RAPGEF1: variants seen among roughly 807,000 people sequenced by gnomAD.
RAPGEF1 encodes the protein Rap guanine nucleotide exchange factor 1.
A neutral mutation model predicts 143.3 loss-of-function variants in RAPGEF1; 33 were observed. The observed-to-expected ratio is 0.23, with a 90% CI of 0.17 to 0.31. The LOEUF is 0.31. Among genes scored for constraint, RAPGEF1 ranks in the 10% least tolerant of loss-of-function variants. RAPGEF1 has a pLI of 1.00. For synonymous variants in RAPGEF1, 629 were observed against 676.5 expected (o/e 0.93, Z 1.09); for missense variants, 1,199 against 1,645.4 (o/e 0.73, Z 4.69).
At chr9:131,603,757 G>A (rs1020412670) in intron 14 of RAPGEF1, among the ~76,000 whole-genome samples, 3 of 152,198 alleles carry the variant, frequency 2.0e-5, no homozygotes, top group Non-Finnish European at 4.4e-5. Context: ...TGAAGCAGGA[G>A]CAAAGGGCAG....
At chr9:131,582,460 C>T (rs1952018948) in intron 25 of RAPGEF1, 145 bp downstream of exon 25, 1 of 519,904 alleles carries the variant, frequency 1.9e-6, no homozygotes, top group Non-Finnish European at 3.3e-6. Flanking sequence ...AACTGTATTA[C>T]AAGAACCTTA....
chr9:131,590,012 C>G, intron 18 of RAPGEF1, 34 bp from the exon 19 acceptor site: 2 of 1,583,046 alleles, frequency 1.3e-6, no homozygotes, highest in Non-Finnish European at 1.7e-6. Flanking sequence ...GCCATGTGGT[C>G]GGCTGAGGGT....
chr9:131,614,972 G>C (rs934179007), intron 12 of RAPGEF1, among the ~76,000 whole-genome samples: 2 of 152,184 alleles, frequency 1.3e-5, no homozygotes, highest in Non-Finnish European at 2.9e-5. Context: ...TATTTCAACA[G>C]ATTTCTAGCA....
chr9:131,657,132 T>A (rs1972685367), intron 1 of RAPGEF1, among the ~76,000 whole-genome samples: 1 of 152,232 alleles, frequency 6.6e-6, no homozygotes, highest in East Asian at 1.9e-4. Context: ...CTTTGAGTGC[T>A]GAGGAGGTAC....
Position 131,650,659 on chromosome 9 carries a change from T to C in RAPGEF1, c.201+151A>G. The C allele has an allele frequency of 8.2e-7, 1 of 1,214,466 alleles. No homozygotes were observed. Among genetic ancestry groups the C allele is most frequent in the Middle Eastern group, 3.0e-4 (1 of 3,374 alleles). The allele number at this position is 1,214,466 out of a possible 1,614,324, so 75.2% of individuals were successfully genotyped here. On this transcript the variant is annotated intron_variant, in intron 2 of 26. Coordinates refer to ENST00000683357, the MANE Select transcript of RAPGEF1 (RefSeq NM_001377935.1). This position sits in a 1 kb window ranked among gnomAD's most constrained non-coding sequence, Gnocchi z 4.7. Reference sequence around the variant, plus strand: ...CTCACCATCCTAATGGTTCTTATTTTACAAGGACACCAAAGGTCCCGCCCA... The same window carrying C: ...CTCACCATCCTAATGGTTCTTATTTCACAAGGACACCAAAGGTCCCGCCCA...
chr9:131,629,300 G>T (rs757738493), intron 6 of RAPGEF1, 46 bp from the exon 7 acceptor site: 2 of 1,573,270 alleles, frequency 1.3e-6, no homozygotes, highest in African/African-American at 1.3e-5. Context: ...TCAAAGGCGG[G>T]ACAGAGCACA....
At chr9:131,693,192 G>C (rs928173391) in intron 1 of RAPGEF1, among the ~76,000 whole-genome samples, 2 of 152,194 alleles carry the variant, frequency 1.3e-5, no homozygotes, top group Non-Finnish European at 2.9e-5. Context: ...GGACACCCAT[G>C]AATGACGTGT....
chr9:131,655,334 T>C lies in RAPGEF1; in HGVS notation c.62-4385A>G, dbSNP rs1036120187. Among the ~76,000 whole-genome samples the C allele has an allele frequency of 6.6e-6, 1 of 152,158 alleles. No individual in the cohort carries two copies. Among genetic ancestry groups the C allele is most frequent in the African/African-American group, 2.4e-5 (1 of 41,424 alleles). On this transcript the variant is annotated intron_variant, in intron 1 of 26. Transcript: ENST00000683357. The surrounding 1 kb of genome is among the most constrained non-coding windows in gnomAD (Gnocchi z 4.1). ...CTTAGTCCCCAGATGGGGACACAAG[T>C]CAACAGGAAGCTGCTGCACCTGGCT...
At chr9:131,691,565 T>G (rs1326125096) in intron 1 of RAPGEF1, among the ~76,000 whole-genome samples, 3 of 152,240 alleles carry the variant, frequency 2.0e-5, no homozygotes, top group African/African-American at 7.2e-5. Context: ...TTTATTCTGA[T>G]GCTTTTCTCA....
At chr9:131,716,576 G>A (rs966756397) in intron 1 of RAPGEF1, among the ~76,000 whole-genome samples, 1 of 152,154 alleles carries the variant, frequency 6.6e-6, no homozygotes, top group Admixed American at 6.5e-5. Flanking sequence ...GACCTGCCTG[G>A]GCAACATGGC....
intron 1 of RAPGEF1, among the ~76,000 whole-genome samples, chr9:131,739,445 G>A (rs1170566034): frequency 6.6e-6 from 1 of 152,022 alleles, no homozygotes; most frequent in Non-Finnish European, 1.5e-5. Flanking sequence ...CACGCGGCCC[G>A]GGCTGTTCTT....
At chr9:131,656,547 C>A (rs142248960) in intron 1 of RAPGEF1, among the ~76,000 whole-genome samples, 2 of 152,058 alleles carry the variant, frequency 1.3e-5, no homozygotes, top group Non-Finnish European at 2.9e-5. Flanking sequence ...GGGCAGGATG[C>A]GTGGGTTCTC....
intron 10 of RAPGEF1, among the ~76,000 whole-genome samples, chr9:131,622,209 G>A (rs1470593411): frequency 6.6e-6 from 1 of 152,138 alleles, no homozygotes; most frequent in East Asian, 1.9e-4. Context: ...CGGCAGACGC[G>A]CAACACCAAT....
intron 1 of RAPGEF1, among the ~76,000 whole-genome samples, chr9:131,703,332 G>A (rs971873301): frequency 6.6e-6 from 1 of 152,078 alleles, no homozygotes. Flanking sequence ...CACTCAACAT[G>A]CATTTTCTTG....
chr9:131,694,686 A>T (rs60087581), intron 1 of RAPGEF1, among the ~76,000 whole-genome samples: 1 of 151,750 alleles, frequency 6.6e-6, no homozygotes, highest in Non-Finnish European at 1.5e-5. Flanking sequence ...TCACCTTTCA[A>T]TGAGGCCACC....
intron 5 of RAPGEF1, among the ~76,000 whole-genome samples, chr9:131,633,689 C>T (rs931669233): frequency 3.9e-5 from 6 of 152,182 alleles, no homozygotes; most frequent in Admixed American, 3.3e-4. Flanking sequence ...CACTAGCTCG[C>T]GTGGCCTAGG....
chr9:131,587,264 TCAAACACA>T lies in RAPGEF1; in HGVS notation c.3233+464_3233+471del, dbSNP rs1411634795. ...CACACCTGCAGAGCGAGACTCCATCTCAAACACACACACACACCTGCAGAGCGAGACTC... is the reference window on the plus strand; with the variant it reads ...CACACCTGCAGAGCGAGACTCCATCTCACACACACCTGCAGAGCGAGACTC... On this transcript the variant is annotated intron_variant, in intron 22 of 26. Coordinates refer to ENST00000683357, the MANE Select transcript of RAPGEF1 (RefSeq NM_001377935.1). 3.3e-4 allele frequency among the ~76,000 whole-genome samples: 14 copies of T among 42,468 alleles called. 3 individuals carry two copies. The highest frequency in any genetic ancestry group is 1.1e-3 in the African/African-American group (10 of 9,196). 27.9% of individuals were successfully genotyped at this position (42,468 alleles called of 152,430 possible). A position where few individuals can be genotyped will look rare whatever the true frequency, so the allele number is the denominator to read the frequency against.
At chr9:131,665,415 T>C (rs1410515785) in intron 1 of RAPGEF1, among the ~76,000 whole-genome samples, 4 of 152,158 alleles carry the variant, frequency 2.6e-5, no homozygotes, top group Non-Finnish European at 5.9e-5. Flanking sequence ...TCTCACCACC[T>C]GCACCACGGT....
In RAPGEF1 at chr9:131,578,187, A is replaced by G. The variant is rs1157604125; in HGVS notation, c.*1310T>C. The G allele has an allele frequency of 6.6e-6, 1 of 152,292 alleles. No homozygotes were observed. Among genetic ancestry groups the G allele is most frequent in the Non-Finnish European group, 1.5e-5 (1 of 68,108 alleles). The allele number at this position is 152,292 out of a possible 1,614,324, so 9.4% of individuals were successfully genotyped here. On this transcript the variant is annotated 3_prime_UTR_variant, in exon 27 of 27. Transcript: ENST00000683357. ...TGCCTGCAGGCTCATGCTGGAGGCC[A>G]CGGAACCAGGCGGCACAGGGCAGAT... is the stretch of plus-strand genomic sequence containing the variant.
Sources: allele counts gnomAD v4.1 joint callset (sites outside exome capture counted in the v4.1 genomes callset), GRCh38; gene constraint gnomAD v4.1.1; non-coding constraint Gnocchi (gnomAD v3.1); transcripts MANE v1.5; gene names NCBI Gene and HGNC (gene_info 2026-07-23, HGNC 2026-07-21).